The following NCAPG variants were observed in gnomAD, a reference collection of about 807,000 sequenced individuals.
NCAPG encodes non-SMC condensin I complex subunit G.
Under a neutral mutation model 113.1 loss-of-function variants are expected in NCAPG, and 69 were observed. The ratio of observed to expected loss-of-function variants is 0.61; its 90% confidence interval spans 0.50 to 0.75. The LOEUF (loss-of-function observed/expected upper bound fraction) is 0.75. Among genes scored for constraint, NCAPG ranks in the 30% least tolerant of loss-of-function variants. The probability of loss-of-function intolerance (pLI) is 0.00; values close to 1 mark genes in which losing one functional copy is unlikely to be tolerated. For missense variants in NCAPG, 1,058 were observed against 1,177.0 expected, an observed-to-expected ratio of 0.90 and a Z score of 1.48; for synonymous variants, 370 against 415.8, an observed-to-expected ratio of 0.89 and a Z score of 1.34.
At position 17,817,309 on chromosome 4, in the gene NCAPG, G is replaced by A. The variant is rs533639903; in HGVS notation, c.824G>A (p.Arg275Gln). 8 of 1,614,050 alleles carry A rather than the reference G, an allele frequency of 5.0e-6. No homozygotes were observed. The highest frequency in any genetic ancestry group is 4.2e-6 in the Non-Finnish European group (5 of 1,179,966). ...MQKHLLQGWL[R>Q]FSEGNILELL... ...AAGCATCTTCTTCAAGGCTGGTTACGGTTCTCTGAAGGAAATATCTTAGAG... is the reference window on the plus strand; with the variant it reads ...AAGCATCTTCTTCAAGGCTGGTTACAGTTCTCTGAAGGAAATATCTTAGAG... The change falls in exon 6 of 21, where the codon CGG (arginine) becomes CAG (glutamine). Residue 275 changes from arginine to glutamine, a missense_variant. Transcript: ENST00000251496.
In NCAPG at chr4:17,827,592, G is replaced by C. The variant is rs184583057; in HGVS notation, c.1654-686G>C. On this transcript the variant is annotated intron_variant, in intron 11 of 20. Coordinates refer to ENST00000251496, the MANE Select transcript of NCAPG (RefSeq NM_022346.5). ...ATGGTGATGACAGTATGAAGATAGA[G>C]AACAAGGAAGAGGAGAGATTTGTGT... Among the ~76,000 whole-genome samples, 312 of 152,218 alleles carry C rather than the reference G, an allele frequency of 2.0e-3. 3 individuals carry two copies. Among genetic ancestry groups the C allele is most frequent in the African/African-American group, 6.3e-3 (262 of 41,530 alleles).
At chr4:17,815,037 A>C in intron 4 of NCAPG, 39 bp downstream of exon 4, 1 of 1,602,772 alleles carries the variant, frequency 6.2e-7, no homozygotes, top group South Asian at 1.1e-5. Context: ...ATATTCTTAA[A>C]GGACAAGGAG....
chr4:17,830,520 T>C (rs1330569959), intron 12 of NCAPG, among the ~76,000 whole-genome samples: 1 of 152,082 alleles, frequency 6.6e-6, no homozygotes, highest in Non-Finnish European at 1.5e-5. Context: ...ATGTTTTGGT[T>C]ATATTGAGTT....
chr4:17,814,743 C>T lies in NCAPG; in HGVS notation c.545-110C>T, dbSNP rs562831903. On this transcript the variant is annotated intron_variant, in intron 3 of 20. Transcript: ENST00000251496. ...ATAGGCAGTAGCCATCATGCCCAGC[C>T]TATCTTTATCACATTAAAGGCATTT... The T allele has an allele frequency of 8.3e-5, 102 of 1,235,956 alleles. 2 individuals are homozygous for T. The East Asian group carries it at 1.6e-3, about 19-fold the overall frequency. The allele number at this position is 1,235,956 out of a possible 1,614,324, so 76.6% of individuals were successfully genotyped here.
intron 8 of NCAPG, 99 bp downstream of exon 8, chr4:17,823,222 T>A: frequency 8.5e-7 from 1 of 1,170,988 alleles, no homozygotes; most frequent in Non-Finnish European, 1.2e-6. Flanking sequence ...TTACCCTAGC[T>A]CTCTAAAGTG....
Position 17,830,959 on chromosome 4 carries a change from T to A in NCAPG, c.1765-38T>A, listed in dbSNP as rs897642756. 2.5e-6 allele frequency: 4 copies of A among 1,589,842 alleles called. No homozygotes were observed. The Admixed American group carries it at 5.2e-5, about 21-fold the overall frequency. On this transcript the variant is annotated intron_variant, in intron 12 of 20. Coordinates refer to ENST00000251496, the MANE Select transcript of NCAPG (RefSeq NM_022346.5). ...ATAGACAATAGGGAAATGAAGTAGA[T>A]CTATGAAATCATATGGAAAATTTCT...
chr4:17,818,149 G>A, intron 7 of NCAPG, 61 bp downstream of exon 7: 1 of 1,494,890 alleles, frequency 6.7e-7, no homozygotes. Flanking sequence ...CAATCTCCCA[G>A]TCCCCTTCCT....
In NCAPG at chr4:17,814,734, A is replaced by G. The variant is rs1721128944; in HGVS notation, c.545-119A>G. The G allele has an allele frequency of 4.3e-6, 5 of 1,165,538 alleles. No homozygotes were observed. In the East Asian group the frequency reaches 1.3e-4, roughly 30 times the overall value. 72.2% of individuals were successfully genotyped at this position (1,165,538 alleles called of 1,614,324 possible). ...GTGCTGGTTATAGGCAGTAGCCATC[A>G]TGCCCAGCCTATCTTTATCACATTA... On this transcript the variant is annotated intron_variant, in intron 3 of 20. Coordinates refer to ENST00000251496, the MANE Select transcript of NCAPG (RefSeq NM_022346.5).
chr4:17,816,181 T>A (rs1184561955), intron 5 of NCAPG, among the ~76,000 whole-genome samples: 1 of 152,150 alleles, frequency 6.6e-6, no homozygotes, highest in Non-Finnish European at 1.5e-5. Flanking sequence ...ATGAAACTGT[T>A]CCACCTCAGA....
In NCAPG at chr4:17,815,327, G is replaced by A. The variant is rs141319271; in HGVS notation, c.744G>A (p.Met248Ile). The A allele has an allele frequency of 5.8e-4, 918 of 1,586,290 alleles. No individual in the cohort carries two copies. Among genetic ancestry groups the A allele is most frequent in the Non-Finnish European group, 6.3e-4 (745 of 1,173,640 alleles). The change falls in exon 5 of 21, where the codon ATG (methionine) becomes ATA (isoleucine). Residue 248 changes from methionine to isoleucine, a missense_variant. Physicochemically the swap from Met to Ile is conservative, Grantham distance 10. Transcript: ENST00000251496. Reference protein sequence around the residue: ...MRAMSIAQRVMLLQQGLNDRS... With the variant: ...MRAMSIAQRVILLQQGLNDRS... ...CTATGTCCATTGCTCAGAGAGTAATGCTCCTTCAACAAGGTCTTAATGACA... is the reference window on the plus strand; with the variant it reads ...CTATGTCCATTGCTCAGAGAGTAATACTCCTTCAACAAGGTCTTAATGACA...
At chr4:17,823,240 A>T (rs1272054960) in intron 8 of NCAPG, 117 bp downstream of exon 8, 3 of 985,654 alleles carry the variant, frequency 3.0e-6, no homozygotes, top group Non-Finnish European at 4.4e-6. Flanking sequence ...GTGGTATAAA[A>T]AGTTTTCTTT....
In NCAPG at chr4:17,835,635, C is replaced by G. The variant is rs577882546; in HGVS notation, c.2109+1112C>G. Among the ~76,000 whole-genome samples, 3 of 152,322 alleles carry G rather than the reference C, an allele frequency of 2.0e-5. No homozygotes were observed. In the East Asian group the frequency reaches 5.8e-4, roughly 29 times the overall value. On this transcript the variant is annotated intron_variant, in intron 14 of 20. Coordinates refer to ENST00000251496, the MANE Select transcript of NCAPG (RefSeq NM_022346.5). The stretch of plus-strand genomic sequence containing the variant: ...CATTAAGCAGTTGCTCCTCATTCCC[C>G]CTTCTGCCAGCCCTGACAGCAACCA...
In NCAPG at chr4:17,818,102, C is replaced by G; in HGVS notation, c.1118+14C>G. On this transcript the variant is annotated intron_variant, in intron 7 of 20. Transcript: ENST00000251496. ...CTATTTATTGAGGTAAATTTTTTTT[C>G]TTTTAGTTTGGAGAGTGATTGTGTT... 1.3e-6 allele frequency: 2 copies of G among 1,589,298 alleles called. No individual in the cohort carries two copies. Among genetic ancestry groups the G allele is most frequent in the Non-Finnish European group, 1.7e-6 (2 of 1,169,832 alleles).
intron 12 of NCAPG, among the ~76,000 whole-genome samples, chr4:17,830,553 C>CTTTTTTTTTTTTTTTTTTTTTTTTTT (rs770223582): frequency 7.3e-6 from 1 of 137,326 alleles, no homozygotes; most frequent in Non-Finnish European, 1.6e-5. Context: ...ACTAGTTTCA[C>CTTTTTTTTTTTTTTTTTTTTTTTTTT]TTTTTTTTTT....
chr4:17,839,898 A>G (rs902697750), intron 17 of NCAPG, 61 bp downstream of exon 17: 30 of 1,500,518 alleles, frequency 2.0e-5, no homozygotes, highest in Non-Finnish European at 2.7e-5. Context: ...TGTAGAATTT[A>G]CATGGTTGTA....
chr4:17,817,442 CAAT>C lies in NCAPG; in HGVS notation c.958_960del (p.Asn320del). The C allele has an allele frequency of 1.9e-6, 3 of 1,613,106 alleles. No individual in the cohort carries two copies. The highest frequency in any genetic ancestry group is 2.5e-6 in the Non-Finnish European group (3 of 1,179,322). The stretch of plus-strand genomic sequence containing the variant: ...GTGAACTGGTGGGACTCTGTAAAAA[CAAT>C]GATGGCAGGTACATAAAGGATTCAT... On this transcript the variant is annotated inframe_deletion, in exon 6 of 21. Coordinates refer to ENST00000251496, the MANE Select transcript of NCAPG (RefSeq NM_022346.5).
intron 15 of NCAPG, 60 bp downstream of exon 15, chr4:17,837,400 GAATTATATCTATAAT>G (rs1426332765): frequency 2.6e-5 from 37 of 1,433,084 alleles, no homozygotes; most frequent in South Asian, 2.0e-4. Context: ...AGTCCCCCAT[GAATTATATCTATAAT>G]GATATTTTGT....
At chr4:17,843,181 T>C (rs1722588276) in intron 20 of NCAPG, 121 bp from the exon 21 acceptor site, 1 of 1,075,630 alleles carries the variant, frequency 9.3e-7, no homozygotes, top group Non-Finnish European at 1.3e-6. Flanking sequence ...GCTAAGTCAA[T>C]GGAATCAGGC....
At chr4:17,812,162 T>C in intron 1 of NCAPG, 59 bp from the exon 2 acceptor site, 1 of 1,247,364 alleles carries the variant, frequency 8.0e-7, no homozygotes, top group Non-Finnish European at 1.2e-6. Context: ...CTTAGGGTGA[T>C]GTTGGGAATA....
Sources: gnomAD v4.1 joint callset for allele counts (sites outside exome capture counted in the v4.1 genomes callset) on GRCh38, gnomAD v4.1.1 for gene constraint, MANE v1.5 for transcripts, NCBI Gene and HGNC (gene_info 2026-07-23, HGNC 2026-07-21) for gene names.